The following SLC24A2 variants were observed in gnomAD, a reference collection of about 807,000 sequenced individuals.
SLC24A2 encodes solute carrier family 24 member 2, also known as sodium/potassium/calcium exchanger 2.
A neutral mutation model predicts 62.0 loss-of-function variants in SLC24A2; 36 were observed. The ratio of observed to expected loss-of-function variants is 0.58; its 90% CI spans 0.44 to 0.77. SLC24A2 has a LOEUF of 0.77. Ranked by LOEUF, SLC24A2 falls within the 30% of genes least tolerant of loss-of-function variation. The pLI, the probability that SLC24A2 is intolerant of heterozygous loss-of-function variation, is 0.00. For missense variants in SLC24A2, 846 were observed against 817.9 expected (o/e 1.03, Z -0.42); for synonymous variants, 358 against 294.0 (o/e 1.22, Z -2.23).
At chr9:20,104,015 G>C in the SLC24A2 span, among the ~76,000 whole-genome samples, 42 of 152,194 alleles carry the variant, frequency 2.8e-4, no homozygotes, top group African/African-American at 9.7e-4. Context: ...GGAGCTGATG[G>C]AGCTGAAAGC....
chr9:20,089,498 A>G, the SLC24A2 span, among the ~76,000 whole-genome samples: 2 of 152,048 alleles, frequency 1.3e-5, no homozygotes, highest in Non-Finnish European at 2.9e-5. Flanking sequence ...CACCTCCAGC[A>G]CACCATAGCC....
In SLC24A2 at chr9:19,786,782, TATA is replaced by T; in HGVS notation, c.82_84del (p.Tyr28del). 1 of 1,608,226 alleles carries T rather than the reference TATA, an allele frequency of 6.2e-7. No individual in the cohort carries two copies. The highest frequency in any genetic ancestry group is 8.5e-7 in the Non-Finnish European group (1 of 1,177,728). ...ATTAACTTCAGTTTTTTCTTGACAC[TATA>T]ATGTCTTCTGCAGCCAGACAGTGAC... On this transcript the variant is annotated inframe_deletion, in exon 2 of 11. Transcript: ENST00000341998. This position sits in a 1 kb window ranked among gnomAD's most constrained non-coding sequence, Gnocchi z 5.0.
the SLC24A2 span, among the ~76,000 whole-genome samples, chr9:20,204,585 G>T: frequency 6.6e-6 from 1 of 152,070 alleles, no homozygotes; most frequent in East Asian, 1.9e-4. Context: ...GCAATGGGAG[G>T]TAAAGCTGCT....
chr9:20,012,250 G>A, the SLC24A2 span, among the ~76,000 whole-genome samples: 1 of 152,180 alleles, frequency 6.6e-6, no homozygotes, highest in South Asian at 2.1e-4. Flanking sequence ...GGCTGGGGAG[G>A]CCTCACAATC....
the SLC24A2 span, among the ~76,000 whole-genome samples, chr9:19,904,884 G>A: frequency 6.6e-6 from 1 of 152,286 alleles, no homozygotes; most frequent in Non-Finnish European, 1.5e-5. Flanking sequence ...ACAGCTGGTA[G>A]AGGAGGCTGG....
At chr9:20,274,768 T>G in the SLC24A2 span, among the ~76,000 whole-genome samples, 2,435 of 151,440 alleles carry the variant, frequency 0.016, 66 homozygotes, top group African/African-American at 0.056. Flanking sequence ...GACCATGGCT[T>G]CCTCATCCAC....
In SLC24A2 at chr9:19,508,043, T is replaced by C. The variant is rs1166773178; in HGVS notation, c.*8110A>G. 7 of 152,264 alleles carry C rather than the reference T, an allele frequency of 4.6e-5. No individual in the cohort carries two copies. The highest frequency in any genetic ancestry group is 7.3e-5 in the Non-Finnish European group (5 of 68,046). The allele number at this position is 152,264 out of a possible 1,614,324, so 9.4% of individuals were successfully genotyped here. ...ACAAAAGTATAATTTCTCTTGCTTTTAGTGCTAGCAGCAACTTCACTGAAT... is the reference window on the plus strand; with the variant it reads ...ACAAAAGTATAATTTCTCTTGCTTTCAGTGCTAGCAGCAACTTCACTGAAT... On this transcript the variant is annotated 3_prime_UTR_variant, in exon 11 of 11. Transcript: ENST00000341998.
At chr9:20,222,521 G>A in the SLC24A2 span, among the ~76,000 whole-genome samples, 1 of 152,042 alleles carries the variant, frequency 6.6e-6, no homozygotes, top group Non-Finnish European at 1.5e-5. Context: ...TTATATCAAT[G>A]TTTGTATCAC....
the SLC24A2 span, among the ~76,000 whole-genome samples, chr9:20,031,003 T>C: frequency 6.6e-6 from 1 of 152,122 alleles, no homozygotes; most frequent in Non-Finnish European, 1.5e-5. Flanking sequence ...AGACTGCTTC[T>C]TTATTCCTTG....
the SLC24A2 span, among the ~76,000 whole-genome samples, chr9:20,153,605 T>C: frequency 1.3e-5 from 2 of 152,024 alleles, no homozygotes; most frequent in East Asian, 3.9e-4. Flanking sequence ...ATCAAAATTG[T>C]AATTATTGTT....
intron 2 of SLC24A2, among the ~76,000 whole-genome samples, chr9:19,716,150 T>C (rs932581538): frequency 1.3e-5 from 2 of 152,146 alleles, no homozygotes; most frequent in Non-Finnish European, 2.9e-5. Context: ...AGTCACTCTA[T>C]GTTTTCTTTC....
At chr9:19,958,042 G>C in the SLC24A2 span, 3 of 152,466 alleles carry the variant, frequency 2.0e-5, no homozygotes. Flanking sequence ...GATCATGGTA[G>C]GGGGGACACA....
chr9:19,679,818 A>C (rs1819663162), intron 2 of SLC24A2, among the ~76,000 whole-genome samples: 1 of 150,940 alleles, frequency 6.6e-6, no homozygotes, highest in African/African-American at 2.4e-5. Flanking sequence ...TAATTCCCAC[A>C]ACAAATCTCC....
At chr9:19,762,279 G>C (rs1822359828) in intron 2 of SLC24A2, among the ~76,000 whole-genome samples, 2 of 152,160 alleles carry the variant, frequency 1.3e-5, no homozygotes, top group African/African-American at 4.8e-5. Flanking sequence ...ACCGATGATA[G>C]TTTCTTTTGC....
chr9:19,704,055 C>T (rs1159654321), intron 2 of SLC24A2, among the ~76,000 whole-genome samples: 5 of 152,152 alleles, frequency 3.3e-5, no homozygotes. Context: ...TGCATCAATA[C>T]TGGGGACCCT....
chr9:19,939,813 G>A, the SLC24A2 span, among the ~76,000 whole-genome samples: 1 of 152,196 alleles, frequency 6.6e-6, no homozygotes, highest in African/African-American at 2.4e-5. Flanking sequence ...AATGCTGTAG[G>A]TAGAAATAAA....
At chr9:20,103,708 T>A in the SLC24A2 span, among the ~76,000 whole-genome samples, 3 of 151,984 alleles carry the variant, frequency 2.0e-5, no homozygotes, top group African/African-American at 7.3e-5. Context: ...TACATCACCA[T>A]CATCAAAGAC....
chr9:19,702,559 G>A (rs1397241616), intron 2 of SLC24A2, among the ~76,000 whole-genome samples: 1 of 152,044 alleles, frequency 6.6e-6, no homozygotes, highest in Non-Finnish European at 1.5e-5. Flanking sequence ...TAAAACTAGG[G>A]CTCCCAGAAC....
At chr9:19,873,438 C>A in the SLC24A2 span, among the ~76,000 whole-genome samples, 1 of 140,894 alleles carries the variant, frequency 7.1e-6, no homozygotes, top group Non-Finnish European at 1.5e-5. Context: ...CTCTCTCCTT[C>A]CTTTCTTTCT....
Sources: gnomAD v4.1 joint callset for allele counts (sites outside exome capture counted in the v4.1 genomes callset) on GRCh38, gnomAD v4.1.1 for gene constraint, Gnocchi (gnomAD v3.1) non-coding constraint, MANE v1.5 for transcripts, NCBI Gene and HGNC (gene_info 2026-07-23, HGNC 2026-07-21) for gene names.